Variants in EFCAB11 observed in about 807,000 individuals in gnomAD.
The protein encoded by EFCAB11 is EF-hand calcium binding domain 11.
Under a neutral mutation model 23.0 loss-of-function variants are expected in EFCAB11, and 14 were observed. The ratio of observed to expected loss-of-function variants is 0.61; its 90% CI spans 0.40 to 0.95. The LOEUF (loss-of-function observed/expected upper bound fraction) is 0.95. Among genes scored for constraint, EFCAB11 ranks in the 40% least tolerant of loss-of-function variants. The pLI is 0.00. For synonymous variants in EFCAB11, 65 were observed against 66.6 expected, an observed-to-expected ratio of 0.98 and a Z score of 0.11; for missense variants, 198 against 195.8, an observed-to-expected ratio of 1.01 and a Z score of -0.07.
chr14:89,893,791 A>G (rs892189262), intron 5 of EFCAB11, among the ~76,000 whole-genome samples: 1 of 150,578 alleles, frequency 6.6e-6, no homozygotes, highest in African/African-American at 2.5e-5. Flanking sequence ...AAAAAAAAAC[A>G]AACAAACAAA....
At chr14:89,930,527 TA>T (rs58321977) in intron 5 of EFCAB11, among the ~76,000 whole-genome samples, 28,634 of 152,128 alleles carry the variant, frequency 0.19, 3,123 homozygotes, top group South Asian at 0.32. Flanking sequence ...AAATAATATA[TA>T]TCCTGAAAAG....
At chr14:89,933,514 T>C (rs1319157933) in intron 3 of EFCAB11, among the ~76,000 whole-genome samples, 1 of 152,242 alleles carries the variant, frequency 6.6e-6, no homozygotes, top group East Asian at 1.9e-4. Context: ...TCTAAAATAG[T>C]TCCAATCATT....
chr14:89,932,560 T>G lies in EFCAB11; in HGVS notation c.285A>C (p.Glu95Asp), dbSNP rs754818227. ...CAAAGGCTGTGAAGATGTGTCTTAC[T>G]TCGTTCCGATATCGTTGAGCTTCCT... ...KKKEAQRYRN[E>D]VRHIFTAFDT... The change falls in exon 4 of 6, where the codon GAA (glutamate) becomes GAC (aspartate). Residue 95 changes from glutamate (E) to aspartate (D), a missense_variant. Transcript: ENST00000316738. 2.4e-5 allele frequency: 38 copies of G among 1,613,822 alleles called. No individual in the cohort carries two copies. The highest frequency in any genetic ancestry group is 1.0e-4 in the Admixed American group (6 of 59,980).
chr14:89,888,185 A>T (rs1888851915), intron 5 of EFCAB11, among the ~76,000 whole-genome samples: 1 of 152,260 alleles, frequency 6.6e-6, no homozygotes, highest in Non-Finnish European at 1.5e-5. Context: ...TGATGGCTGG[A>T]GGTGGGGCCT....
chr14:89,801,918 C>A (rs1885793455), intron 5 of EFCAB11, among the ~76,000 whole-genome samples: 2 of 151,484 alleles, frequency 1.3e-5, no homozygotes, highest in Admixed American at 1.3e-4. Flanking sequence ...TGGTTGAAGC[C>A]AGGAGCTGGA....
At chr14:89,919,186 G>A (rs1004936902) in intron 5 of EFCAB11, among the ~76,000 whole-genome samples, 2 of 131,628 alleles carry the variant, frequency 1.5e-5, no homozygotes, top group Non-Finnish European at 3.0e-5. Context: ...CACACTTGAT[G>A]AGAGAGAGAG....
At chr14:89,887,734 T>C (rs1888838778) in intron 5 of EFCAB11, among the ~76,000 whole-genome samples, 1 of 152,140 alleles carries the variant, frequency 6.6e-6, no homozygotes, top group Non-Finnish European at 1.5e-5. Context: ...GGAACAGGTG[T>C]TATGGAATAA....
chr14:89,885,761 AAGAAAGAAAGAAAGAAAGAG>A (rs1290798610), intron 5 of EFCAB11, among the ~76,000 whole-genome samples: 6 of 3,902 alleles, frequency 1.5e-3, no homozygotes, highest in Non-Finnish European at 5.3e-3. Context: ...AAAGAAAGGA[AAGAAAGAAAGAAAGAAAGAG>A]AGAAAGAAAG....
At chr14:89,893,196 A>G (rs1435983116) in intron 5 of EFCAB11, among the ~76,000 whole-genome samples, 4 of 152,190 alleles carry the variant, frequency 2.6e-5, no homozygotes, top group African/African-American at 9.6e-5. Flanking sequence ...AAGCTGCTGC[A>G]TGAGCAAAGG....
At chr14:89,936,976 G>A (rs920418310) in intron 3 of EFCAB11, among the ~76,000 whole-genome samples, 2 of 152,124 alleles carry the variant, frequency 1.3e-5, no homozygotes, top group African/African-American at 2.4e-5. Context: ...CTCCCACCCC[G>A]CCTCCAGAGG....
chr14:89,868,439 T>C (rs1888164404), intron 5 of EFCAB11, among the ~76,000 whole-genome samples: 1 of 152,238 alleles, frequency 6.6e-6, no homozygotes, highest in South Asian at 2.1e-4. Flanking sequence ...ATGTCAATTT[T>C]GTATGAAATT....
intron 5 of EFCAB11, among the ~76,000 whole-genome samples, chr14:89,930,479 A>G (rs55633141): frequency 0.19 from 28,593 of 152,106 alleles, 3,098 homozygotes; most frequent in South Asian, 0.32. Flanking sequence ...GCTGTGCATG[A>G]CCTTGGAACT....
chr14:89,936,666 G>A (rs116821621), intron 3 of EFCAB11, among the ~76,000 whole-genome samples: 2 of 152,026 alleles, frequency 1.3e-5, no homozygotes, highest in Non-Finnish European at 2.9e-5. Context: ...CCAAATACAA[G>A]ACCCTTTTCT....
chr14:89,816,081 CT>C (rs1190476056), intron 5 of EFCAB11, among the ~76,000 whole-genome samples: 5 of 151,894 alleles, frequency 3.3e-5, no homozygotes, highest in African/African-American at 1.2e-4. Context: ...TATAGTTTTC[CT>C]TATAGAGATT....
Position 89,954,702 on chromosome 14 carries a change from C to T in EFCAB11, c.-42G>A. The T allele has an allele frequency of 2.5e-6, 4 of 1,593,898 alleles. No homozygotes were observed. Among genetic ancestry groups the T allele is most frequent in the African/African-American group, 2.7e-5 (2 of 74,564 alleles). On this transcript the variant is annotated 5_prime_UTR_variant, in exon 1 of 6. Transcript: ENST00000316738. ...GAGCCCCAGCAACCCAACCAGCTAC[C>T]ACCGCTTTCCCAGCCTGGCTGGCAG...
In EFCAB11 at chr14:89,921,625, T is replaced by G. The variant is rs80338305; in HGVS notation, c.410+9916A>C. On this transcript the variant is annotated intron_variant, in intron 5 of 5. Coordinates refer to ENST00000316738, the MANE Select transcript of EFCAB11 (RefSeq NM_145231.4). ...AACTCTTTGAATGTCAAGGATGCAT[T>G]TATCTGAGGTAGCCTGATGGAGGAG... Among the ~76,000 whole-genome samples, 770 of 152,246 alleles carry G rather than the reference T, an allele frequency of 5.1e-3. 5 individuals carry two copies. Among genetic ancestry groups the G allele is most frequent in the African/African-American group, 0.018 (745 of 41,524 alleles).
rs568106521 is a variant in EFCAB11 at position 89,805,042 on chromosome 14, C to T, written c.411-7718G>A. ...CATCTGACCATAAGCAAGTGGTGGACCTGGCTGTTTAGGATGAACTGTGAA... is the reference window on the plus strand; with the variant it reads ...CATCTGACCATAAGCAAGTGGTGGATCTGGCTGTTTAGGATGAACTGTGAA... On this transcript the variant is annotated intron_variant, in intron 5 of 5. Coordinates refer to ENST00000316738, the MANE Select transcript of EFCAB11 (RefSeq NM_145231.4). Among the ~76,000 whole-genome samples the T allele has an allele frequency of 3.5e-4, 54 of 152,254 alleles. No individual in the cohort carries two copies. In the South Asian group the frequency reaches 0.011, roughly 31 times the overall value.
At chr14:89,896,376 C>G (rs1328324499) in intron 5 of EFCAB11, among the ~76,000 whole-genome samples, 2 of 151,130 alleles carry the variant, frequency 1.3e-5, no homozygotes, top group African/African-American at 4.9e-5. Context: ...GGTGGCAGAG[C>G]GAGACTCTGT....
intron 5 of EFCAB11, among the ~76,000 whole-genome samples, chr14:89,901,316 C>T (rs1247475708): frequency 2.0e-5 from 3 of 151,782 alleles, no homozygotes; most frequent in African/African-American, 7.3e-5. Context: ...GATATTTGGC[C>T]CTTATGATCA....
Sources: gnomAD v4.1 joint callset for allele counts (sites outside exome capture counted in the v4.1 genomes callset) on GRCh38, gnomAD v4.1.1 for gene constraint, MANE v1.5 for transcripts, NCBI Gene and HGNC (gene_info 2026-07-23, HGNC 2026-07-21) for gene names.